The following SDCCAG8 variants were observed in gnomAD, a reference collection of about 807,000 sequenced individuals.
SDCCAG8 encodes the protein serologically defined colon cancer antigen 8.
A neutral mutation model predicts 101.8 loss-of-function variants in SDCCAG8; 74 were observed. That is an observed-to-expected ratio of 0.73 (90% CI 0.60 to 0.88). The LOEUF is 0.88. SDCCAG8 is among the 40% of genes least tolerant of loss of function. The pLI is 0.00. For synonymous variants in SDCCAG8, 281 were observed against 292.9 expected (o/e 0.96, Z 0.41); for missense variants, 787 against 822.6 (o/e 0.96, Z 0.53).
At chr1:243,406,494 A>G (rs902086732) in intron 13 of SDCCAG8, among the ~76,000 whole-genome samples, 1 of 152,116 alleles carries the variant, frequency 6.6e-6, no homozygotes, top group Admixed American at 6.5e-5. Context: ...TGCTCTTACT[A>G]TTGCTGTAGT....
intron 13 of SDCCAG8, among the ~76,000 whole-genome samples, chr1:243,405,782 T>C (rs1172247900): frequency 6.6e-6 from 1 of 151,908 alleles, no homozygotes; most frequent in Admixed American, 6.6e-5. Context: ...CTGTCATACT[T>C]ATGAGATAAA....
chr1:243,369,327 G>T (rs1480844430), intron 12 of SDCCAG8, among the ~76,000 whole-genome samples: 2 of 152,148 alleles, frequency 1.3e-5, no homozygotes, highest in Admixed American at 1.3e-4. Flanking sequence ...AGTGTTGTCA[G>T]ATGGTCATAC....
intron 4 of SDCCAG8, among the ~76,000 whole-genome samples, chr1:243,281,758 C>T (rs542723327): frequency 1.3e-5 from 2 of 151,522 alleles, no homozygotes; most frequent in South Asian, 4.2e-4. Flanking sequence ...GTCCTCCTAC[C>T]GCCTCCCTGC....
intron 12 of SDCCAG8, among the ~76,000 whole-genome samples, chr1:243,357,101 C>T (rs898034557): frequency 5.9e-5 from 9 of 152,096 alleles, no homozygotes; most frequent in Non-Finnish European, 1.3e-4. Context: ...ACTTTTGGGC[C>T]GGGTGTGGTG....
intron 6 of SDCCAG8, among the ~76,000 whole-genome samples, chr1:243,294,476 G>T (rs979031226): frequency 1.8e-4 from 6 of 33,548 alleles, no homozygotes; most frequent in Admixed American, 4.9e-4. Context: ...CAAAAGGTGG[G>T]GGGGGGGAGA....
intron 12 of SDCCAG8, among the ~76,000 whole-genome samples, chr1:243,369,618 A>G (rs1558367669): frequency 6.6e-6 from 1 of 152,172 alleles, no homozygotes; most frequent in African/African-American, 2.4e-5. Context: ...AGAGCCATTT[A>G]CATCAAACTC....
chr1:243,462,790 A>G (rs930557611), intron 16 of SDCCAG8, among the ~76,000 whole-genome samples: 3 of 152,160 alleles, frequency 2.0e-5, no homozygotes, highest in African/African-American at 4.8e-5. Flanking sequence ...TTGTTTACCT[A>G]GAAAGTCCCC....
Position 243,458,937 on chromosome 1 carries a change from T to G in SDCCAG8, c.1986-30077T>G, listed in dbSNP as rs1392601569. Among the ~76,000 whole-genome samples the G allele has an allele frequency of 1.3e-5, 2 of 151,948 alleles. No individual in the cohort carries two copies. Among genetic ancestry groups the G allele is most frequent in the Admixed American group, 6.6e-5 (1 of 15,236 alleles). On this transcript the variant is annotated intron_variant, in intron 16 of 17. Coordinates refer to ENST00000366541, the MANE Select transcript of SDCCAG8 (RefSeq NM_006642.5). The surrounding 1 kb of genome is among the most constrained non-coding windows in gnomAD (Gnocchi z 4.5). ...TGCATGAATATCTCTATGTGGGAAA[T>G]TCTTGTGTTCTGATAGATGGAGAAA...
chr1:243,286,361 G>GGA lies in SDCCAG8; in HGVS notation c.513_514dup (p.Thr172ArgfsTer3). 1 of 1,613,972 alleles carries GGA rather than the reference G, an allele frequency of 6.2e-7. No homozygotes were observed. The highest frequency in any genetic ancestry group is 1.3e-5 in the African/African-American group (1 of 75,030). ...AACAGCTAAAATCTCAAAGACAAGA[G>GGA]GAGACACTGAGGGAACAAACACTTC... On this transcript the variant is annotated frameshift_variant, in exon 5 of 18. Coordinates refer to ENST00000366541, the MANE Select transcript of SDCCAG8 (RefSeq NM_006642.5). LOFTEE classifies it high-confidence loss of function.
rs1188015255 is a variant in SDCCAG8 at position 243,474,839 on chromosome 1, C to G, written c.1986-14175C>G. ...GCACAGCCGCTCCTAACTCCGTCAACGGAATTTCACTCAACTCCGAGACTG... is the reference window on the plus strand; with the variant it reads ...GCACAGCCGCTCCTAACTCCGTCAAGGGAATTTCACTCAACTCCGAGACTG... On this transcript the variant is annotated intron_variant, in intron 16 of 17. Coordinates refer to ENST00000366541, the MANE Select transcript of SDCCAG8 (RefSeq NM_006642.5). The surrounding 1 kb of genome is among the most constrained non-coding windows in gnomAD (Gnocchi z 4.7). 6.6e-6 allele frequency among the ~76,000 whole-genome samples: 1 copy of G among 152,232 alleles called. No homozygotes were observed. The highest frequency in any genetic ancestry group is 1.5e-5 in the Non-Finnish European group (1 of 68,038).
At chr1:243,260,910 A>G (rs2067147126) in intron 1 of SDCCAG8, among the ~76,000 whole-genome samples, 1 of 152,150 alleles carries the variant, frequency 6.6e-6, no homozygotes, top group South Asian at 2.1e-4. Context: ...CACTGCACTT[A>G]CTTTTGCTTT....
chr1:243,388,010 C>T (rs953516791), intron 13 of SDCCAG8, among the ~76,000 whole-genome samples: 9 of 152,148 alleles, frequency 5.9e-5, no homozygotes, highest in African/African-American at 2.2e-4. Flanking sequence ...GCCACTGTGC[C>T]CGGCCTCTAG....
At chr1:243,312,698 C>A (rs1324638769) in intron 8 of SDCCAG8, among the ~76,000 whole-genome samples, 2 of 143,734 alleles carry the variant, frequency 1.4e-5, no homozygotes, top group African/African-American at 5.3e-5. Context: ...AGAGGAAGAA[C>A]CTGTCTCCAA....
intron 16 of SDCCAG8, among the ~76,000 whole-genome samples, chr1:243,475,758 G>T (rs1046317113): frequency 6.6e-6 from 1 of 152,156 alleles, no homozygotes; most frequent in East Asian, 1.9e-4. Context: ...CTTCCTCAAG[G>T]CTCAAGGTGC....
At position 243,378,804 on chromosome 1, in the gene SDCCAG8, G is replaced by A. The variant is rs773816051; in HGVS notation, c.1557G>A (p.Glu519=). 1.5e-5 allele frequency: 25 copies of A among 1,614,114 alleles called. No homozygotes were observed. The highest frequency in any genetic ancestry group is 2.0e-5 in the Non-Finnish European group (24 of 1,179,998). Residue 519 remains glutamate, a synonymous_variant, in exon 13 of 18, where the codon GAG becomes GAA. Transcript: ENST00000366541. The part of the protein sequence containing the change: ...QEQQKAALAR[E]ECLRLTELLG... ...AGCAGAAGGCAGCCCTGGCCAGAGAGGAGTGCCTGAGACTAACAGAACTGC... is the reference window on the plus strand; with the variant it reads ...AGCAGAAGGCAGCCCTGGCCAGAGAAGAGTGCCTGAGACTAACAGAACTGC...
intron 12 of SDCCAG8, among the ~76,000 whole-genome samples, chr1:243,350,105 A>G (rs1376844538): frequency 6.6e-6 from 1 of 152,236 alleles, no homozygotes; most frequent in African/African-American, 2.4e-5. Flanking sequence ...TATCGCCTAA[A>G]TTCAGTTGAA....
chr1:243,482,964 G>A (rs1664046728), intron 16 of SDCCAG8, among the ~76,000 whole-genome samples: 1 of 152,322 alleles, frequency 6.6e-6, no homozygotes, highest in East Asian at 1.9e-4. Flanking sequence ...TGCAGCGGGG[G>A]CTGCTGCCTA....
At chr1:243,346,949 C>T (rs1183988605) in intron 12 of SDCCAG8, among the ~76,000 whole-genome samples, 1 of 152,174 alleles carries the variant, frequency 6.6e-6, no homozygotes, top group Non-Finnish European at 1.5e-5. Flanking sequence ...ACATTTCCAT[C>T]ACCTACACTC....
chr1:243,487,340 C>G (rs1283981015), intron 16 of SDCCAG8, among the ~76,000 whole-genome samples: 25 of 152,240 alleles, frequency 1.6e-4, no homozygotes, highest in Admixed American at 1.6e-3. Context: ...CCAGGAAAGG[C>G]TGCCTCAGCC....
Sources: allele counts gnomAD v4.1 joint callset (sites outside exome capture counted in the v4.1 genomes callset), GRCh38; gene constraint gnomAD v4.1.1; non-coding constraint Gnocchi (gnomAD v3.1); transcripts MANE v1.5; gene names NCBI Gene and HGNC (gene_info 2026-07-23, HGNC 2026-07-21).